IQSEC1: variants seen among roughly 807,000 people sequenced by gnomAD.
The protein encoded by IQSEC1 is IQ motif and Sec7 domain ArfGEF 1, also known as IQ motif and SEC7 domain-containing protein 1.
IQSEC1 carries 31 observed loss-of-function variants against 91.0 expected under a neutral mutation model. The observed-to-expected ratio is 0.34, with a 90% confidence interval of 0.26 to 0.46. The LOEUF (loss-of-function observed/expected upper bound fraction) is 0.46, where lower values mean the gene tolerates loss of function less well. IQSEC1 is among the 20% of genes least tolerant of loss of function. The probability of loss-of-function intolerance (pLI) is 1.00; values close to 1 mark genes in which losing one functional copy is unlikely to be tolerated. For synonymous variants in IQSEC1, 699 were observed against 662.6 expected (o/e 1.05, Z -0.84); for missense variants, 1,388 against 1,575.6 (o/e 0.88, Z 2.02).
chr3:12,965,177 G>A (rs186666827), intron 1 of IQSEC1, among the ~76,000 whole-genome samples: 19 of 152,328 alleles, frequency 1.2e-4, no homozygotes, highest in Admixed American at 1.0e-3. Flanking sequence ...AGAGTCCTGT[G>A]TTTCACAAGG....
intron 1 of IQSEC1, among the ~76,000 whole-genome samples, chr3:13,005,846 G>A (rs1702613774): frequency 6.6e-6 from 1 of 152,160 alleles, no homozygotes; most frequent in African/African-American, 2.4e-5. Context: ...GCAGAGCAAA[G>A]GCTGCAGTGT....
At chr3:13,155,797 C>T (rs1707077117) in intron 2 of IQSEC1, among the ~76,000 whole-genome samples, 1 of 152,138 alleles carries the variant, frequency 6.6e-6, no homozygotes, top group Admixed American at 6.5e-5. Flanking sequence ...TCCTGGAATG[C>T]AAGGATGGCT....
At chr3:13,151,117 T>A (rs543142443) in intron 2 of IQSEC1, among the ~76,000 whole-genome samples, 4 of 152,196 alleles carry the variant, frequency 2.6e-5, no homozygotes, top group Non-Finnish European at 5.9e-5. Context: ...CACAAATCAC[T>A]TCCCTTCCCA....
intron 1 of IQSEC1, among the ~76,000 whole-genome samples, chr3:13,276,324 G>A (rs913341903): frequency 3.9e-5 from 6 of 152,060 alleles, no homozygotes; most frequent in South Asian, 2.1e-4. Flanking sequence ...TCCTGACCTC[G>A]TGATCCGCCC....
rs1391228657 is a variant in IQSEC1 at position 12,899,228 on chromosome 3, C to T, written c.*1755G>A. Reference sequence around the variant, plus strand: ...GCCAGCCAGCCAAGGTGACACACAGCCAGAGGGGGCTCCCCTCTCCTCCTG... The same window carrying T: ...GCCAGCCAGCCAAGGTGACACACAGTCAGAGGGGGCTCCCCTCTCCTCCTG... On this transcript the variant is annotated 3_prime_UTR_variant, in exon 14 of 14. Coordinates refer to ENST00000613206, the MANE Select transcript of IQSEC1 (RefSeq NM_001134382.3). The T allele has an allele frequency of 1.2e-5, 9 of 741,354 alleles. No individual in the cohort carries two copies. Among genetic ancestry groups the T allele is most frequent in the Middle Eastern group, 3.9e-4 (1 of 2,538 alleles). 45.9% of individuals were successfully genotyped at this position (741,354 alleles called of 1,614,324 possible).
At chr3:13,219,621 T>A (rs940207263) in intron 1 of IQSEC1, among the ~76,000 whole-genome samples, 2 of 152,256 alleles carry the variant, frequency 1.3e-5, no homozygotes, top group Non-Finnish European at 2.9e-5. Flanking sequence ...TGCATTAGGA[T>A]GTTAAATAGT....
chr3:13,007,066 C>T (rs1026522478), intron 1 of IQSEC1, among the ~76,000 whole-genome samples: 1 of 152,258 alleles, frequency 6.6e-6, no homozygotes, highest in Non-Finnish European at 1.5e-5. Context: ...TGTCCTCCTC[C>T]AGGTCTTTTT....
chr3:12,993,568 TC>T (rs1702088870), intron 1 of IQSEC1, among the ~76,000 whole-genome samples: 1 of 152,166 alleles, frequency 6.6e-6, no homozygotes, highest in African/African-American at 2.4e-5. Flanking sequence ...TACCCCCGCT[TC>T]GGGGAGGCAA....
At chr3:12,919,886 G>A (rs914992976) in intron 6 of IQSEC1, among the ~76,000 whole-genome samples, 30 of 152,132 alleles carry the variant, frequency 2.0e-4, no homozygotes, top group African/African-American at 6.8e-4. Context: ...TGTAGACTCC[G>A]CACCAACACC....
At chr3:13,226,837 A>G (rs1694761632) in intron 1 of IQSEC1, among the ~76,000 whole-genome samples, 1 of 152,014 alleles carries the variant, frequency 6.6e-6, no homozygotes, top group Admixed American at 6.5e-5. Context: ...TCCCACGAGG[A>G]TGGAGACCCT....
intron 1 of IQSEC1, among the ~76,000 whole-genome samples, chr3:13,019,441 G>T (rs776110904): frequency 6.6e-6 from 1 of 152,208 alleles, no homozygotes; most frequent in South Asian, 2.1e-4. Flanking sequence ...TGCGCTGTCC[G>T]ATCGCAACCC....
In IQSEC1 at chr3:12,901,359, G is replaced by A. The variant is rs914723275; in HGVS notation, c.2969C>T (p.Pro990Leu). The change falls in exon 14 of 14, where the codon CCA (proline) becomes CTA (leucine). Residue 990 changes from proline to leucine, a missense_variant. By Grantham distance (98) the Pro-to-Leu change is moderately conservative. Around this residue, in one of 2 missense-constraint regions of IQSEC1, gnomAD observed 329 missense variants for 257.8 expected, o/e 1.28. Coordinates refer to ENST00000613206, the MANE Select transcript of IQSEC1 (RefSeq NM_001134382.3). The stretch of plus-strand genomic sequence containing the variant: ...CGGTGGGTGGGGGGGTGGCAGGGCT[G>A]GGGCTGAGGGCAGGTGGGCCTGGGG... The part of the protein sequence containing the change: ...PPPQAHLPSA[P>L]ALPPPHPPVV... The A allele has an allele frequency of 6.5e-7, 1 of 1,535,168 alleles. No homozygotes were observed. Among genetic ancestry groups the A allele is most frequent in the Non-Finnish European group, 8.8e-7 (1 of 1,140,184 alleles).
In IQSEC1 at chr3:12,936,056, T is replaced by C. The variant is rs768861140; in HGVS notation, c.960A>G (p.Leu320=). 6.2e-6 allele frequency: 10 copies of C among 1,606,076 alleles called. No individual in the cohort carries two copies. In the East Asian group the frequency reaches 2.2e-4, roughly 36 times the overall value. ...AGTCTGGGGCTGCGCCCCCAGCCCGTAGCCGCAGGTCCGACTCGGTGCTGG... is the reference window on the plus strand; with the variant it reads ...AGTCTGGGGCTGCGCCCCCAGCCCGCAGCCGCAGGTCCGACTCGGTGCTGG... ...RPSSTESDLR[L]RAGGAAPDYW... Residue 320 remains leucine, a synonymous_variant, in exon 3 of 14, where the codon CTA becomes CTG. Coordinates refer to ENST00000613206, the MANE Select transcript of IQSEC1 (RefSeq NM_001134382.3).
At chr3:13,223,111 C>A (rs1012644555) in intron 1 of IQSEC1, among the ~76,000 whole-genome samples, 1 of 152,238 alleles carries the variant, frequency 6.6e-6, no homozygotes, top group African/African-American at 2.4e-5. Context: ...TCCAGACCCC[C>A]GGCTTGCCCG....
At chr3:13,170,443 C>T (rs963074189) in intron 1 of IQSEC1, among the ~76,000 whole-genome samples, 3 of 152,226 alleles carry the variant, frequency 2.0e-5, no homozygotes, top group Non-Finnish European at 2.9e-5. Context: ...CCAAGTGGAG[C>T]TGTGAGAAGA....
In IQSEC1 at chr3:12,936,037, G is replaced by C. The variant is rs1260703450; in HGVS notation, c.979C>G (p.Pro327Ala). ...TTGTGGGCCAGGGCCCAGTAGTCTG[G>C]GGCTGCGCCCCCAGCCCGTAGCCGC... Reference protein sequence around the residue: ...DLRLRAGGAAPDYWALAHKED... With the variant: ...DLRLRAGGAAADYWALAHKED... Residue 327 changes from proline (P) to alanine (A), a missense_variant, in exon 3 of 14, where the codon CCA (proline) becomes GCA (alanine). Pro to Ala is a conservative substitution (Grantham distance 27, BLOSUM62 -1). This residue lies in a region of IQSEC1 where 1,059 missense variants were observed against 1,317.8 expected (regional missense o/e 0.80). Transcript: ENST00000613206. 8 of 1,603,100 alleles carry C rather than the reference G, an allele frequency of 5.0e-6. No individual in the cohort carries two copies. Among genetic ancestry groups the C allele is most frequent in the African/African-American group, 2.7e-5 (2 of 75,048 alleles).
chr3:13,010,729 A>C (rs1213403228), intron 1 of IQSEC1, among the ~76,000 whole-genome samples: 1 of 152,048 alleles, frequency 6.6e-6, no homozygotes. Flanking sequence ...TGGTTAATAA[A>C]ACTCCCTGCT....
In IQSEC1 at chr3:12,941,673, G is replaced by A. The variant is rs747150592; in HGVS notation, c.216C>T (p.His72=). The change falls in exon 2 of 14, where the codon CAC becomes CAT. Residue 72 remains histidine (H), a synonymous_variant. Transcript: ENST00000613206. ...QQRTRRPKLQ[H]STSILRKQAE... is the part of the protein sequence containing the mutation. ...CCTGCTTGCGCAGGATGGAGGTCGAGTGCTGCAGCTTGGGCCTCCGCGTGC... is the reference window on the plus strand; with the variant it reads ...CCTGCTTGCGCAGGATGGAGGTCGAATGCTGCAGCTTGGGCCTCCGCGTGC... The A allele has an allele frequency of 3.1e-6, 5 of 1,613,070 alleles. No homozygotes were observed. The highest frequency in any genetic ancestry group is 1.7e-4 in the Middle Eastern group (1 of 5,976).
At chr3:12,999,685 C>T (rs1322071312) in intron 1 of IQSEC1, among the ~76,000 whole-genome samples, 1 of 152,230 alleles carries the variant, frequency 6.6e-6, no homozygotes, top group Non-Finnish European at 1.5e-5. Context: ...GGAAGTATAG[C>T]AGGCAACTCT....
Sources: allele counts gnomAD v4.1 joint callset (sites outside exome capture counted in the v4.1 genomes callset), GRCh38; gene constraint gnomAD v4.1.1; regional missense constraint gnomAD v4.1.1; transcripts MANE v1.5; gene names NCBI Gene and HGNC (gene_info 2026-07-23, HGNC 2026-07-21).